The following KIR2DL1 variants were observed in gnomAD, a reference collection of about 807,000 sequenced individuals.
KIR2DL1 encodes the protein killer cell immunoglobulin-like receptor 2DL1.
Under a neutral mutation model 33.9 loss-of-function variants are expected in KIR2DL1, and 38 were observed. The observed-to-expected ratio is 1.12, with a 90% CI of 0.86 to 1.47. The LOEUF (loss-of-function observed/expected upper bound fraction) is 1.47. KIR2DL1 is among the 40% of genes most tolerant of loss of function. KIR2DL1 has a pLI of 0.00. For missense variants in KIR2DL1, 531 were observed against 433.9 expected, an observed-to-expected ratio of 1.22 and a Z score of -1.99; for synonymous variants, 179 against 165.9, an observed-to-expected ratio of 1.08 and a Z score of -0.61.
At chr19:54,770,321 T>G (rs2075533717) in intron 1 of KIR2DL1, among the ~76,000 whole-genome samples, 1 of 134,636 alleles carries the variant, frequency 7.4e-6, no homozygotes, top group Non-Finnish European at 1.6e-5. Flanking sequence ...GGTCGATATC[T>G]GGGCCTGGAG....
rs2077185125 is a variant in KIR2DL1, at chr19:54,782,934, A to G, written c.728A>G (p.His243Arg). 6.2e-7 allele frequency: 1 copy of G among 1,613,686 alleles called. No homozygotes were observed. Among genetic ancestry groups the G allele is most frequent in the Non-Finnish European group, 8.5e-7 (1 of 1,179,852 alleles). The change falls in exon 6 of 8, where the codon CAC becomes CGC. Residue 243 changes from histidine (H) to arginine (R), a missense_variant. Transcript: ENST00000336077. Reference protein sequence around the residue: ...EPSSKTGNPRHLHILIGTSVV... With the variant: ...EPSSKTGNPRRLHILIGTSVV... ...CATCTTCTTCCAGGTAACCCCCGACACCTGCACATTCTGATTGGGACCTCA... is the reference window on the plus strand; with the variant it reads ...CATCTTCTTCCAGGTAACCCCCGACGCCTGCACATTCTGATTGGGACCTCA...
intron 5 of KIR2DL1, among the ~76,000 whole-genome samples, chr19:54,779,042 A>G (rs929952721): frequency 2.0e-5 from 3 of 147,160 alleles, no homozygotes; most frequent in African/African-American, 7.5e-5. Flanking sequence ...TCCACTTGCC[A>G]AGGAATGAGC....
At chr19:54,776,129 A>T (rs1385343427) in intron 4 of KIR2DL1, among the ~76,000 whole-genome samples, 2 of 144,416 alleles carry the variant, frequency 1.4e-5, no homozygotes, top group Non-Finnish European at 3.1e-5. Context: ...TGACCACGTG[A>T]TCCACCCGCA....
chr19:54,770,926 A>G, intron 2 of KIR2DL1, 42 bp downstream of exon 2: 1 of 1,575,836 alleles, frequency 6.3e-7, no homozygotes, highest in Non-Finnish European at 8.7e-7. Context: ...CTCCCCACAT[A>G]AGAGGATTTT....
intron 2 of KIR2DL1, among the ~76,000 whole-genome samples, chr19:54,772,917 C>T (rs1247739666): frequency 1.2e-4 from 17 of 146,708 alleles, no homozygotes; most frequent in Non-Finnish European, 2.4e-4. Flanking sequence ...GGTGTGTGGC[C>T]ACTGGTGCCT....
intron 5 of KIR2DL1, among the ~76,000 whole-genome samples, chr19:54,782,647 T>G: frequency 1.4e-5 from 2 of 146,732 alleles, no homozygotes; most frequent in Middle Eastern, 6.9e-3. Context: ...CAAACACCTC[T>G]CAAGAGGCCC....
At chr19:54,780,676 A>T (rs2076838376) in intron 5 of KIR2DL1, among the ~76,000 whole-genome samples, 1 of 143,010 alleles carries the variant, frequency 7.0e-6, no homozygotes, top group Non-Finnish European at 1.6e-5. Flanking sequence ...TTTAGACACT[A>T]AATGAATGAA....
At chr19:54,778,071 GCC>G (rs2076551040) in intron 4 of KIR2DL1, among the ~76,000 whole-genome samples, 1 of 146,864 alleles carries the variant, frequency 6.8e-6, no homozygotes, top group African/African-American at 2.5e-5. Flanking sequence ...GATTAGTCTG[GCC>G]AACGTGATGA....
intron 5 of KIR2DL1, among the ~76,000 whole-genome samples, chr19:54,782,572 A>T (rs1212676844): frequency 2.0e-5 from 3 of 151,788 alleles, no homozygotes; most frequent in Non-Finnish European, 4.4e-5. Context: ...ATAGAGGGGG[A>T]ACTTGCTAAC....
In KIR2DL1 at chr19:54,769,815, G is replaced by A. The variant is rs1417220855; in HGVS notation, c.-36G>A. Reference sequence around the variant, plus strand: ...AACATCCTGTGCGCTGCTGAGCTGAGCTCGGTCGCGGCTGCCTGTCTGCTC... The same window carrying A: ...AACATCCTGTGCGCTGCTGAGCTGAACTCGGTCGCGGCTGCCTGTCTGCTC... On this transcript the variant is annotated 5_prime_UTR_variant, in exon 1 of 8. Transcript: ENST00000336077. 1.9e-6 allele frequency: 3 copies of A among 1,565,482 alleles called. No homozygotes were observed. The highest frequency in any genetic ancestry group is 2.6e-6 in the Non-Finnish European group (3 of 1,144,342).
chr19:54,772,649 T>G (rs565946353), intron 2 of KIR2DL1, among the ~76,000 whole-genome samples: 1 of 144,996 alleles, frequency 6.9e-6, no homozygotes, highest in Admixed American at 7.1e-5. Flanking sequence ...GAGGTTGCAG[T>G]GAGCCTAGAC....
At chr19:54,780,535 T>A (rs1452195841) in intron 5 of KIR2DL1, among the ~76,000 whole-genome samples, 64 of 143,748 alleles carry the variant, frequency 4.5e-4, no homozygotes, top group African/African-American at 1.5e-3. Flanking sequence ...TGGATTCACC[T>A]CGGGGTAACC....
intron 5 of KIR2DL1, chr19:54,780,037 T>G: frequency 2.2e-6 from 1 of 453,582 alleles, no homozygotes; most frequent in Non-Finnish European, 4.0e-6. Context: ...TAGCTGGGAT[T>G]ACAGGCAACT....
chr19:54,779,329 G>A (rs1474366468), intron 5 of KIR2DL1, among the ~76,000 whole-genome samples: 1 of 148,952 alleles, frequency 6.7e-6, no homozygotes, highest in Non-Finnish European at 1.5e-5. Context: ...TGACAGCAAG[G>A]CTGCCTTCCC....
At chr19:54,779,098 G>C (rs1167951868) in intron 5 of KIR2DL1, among the ~76,000 whole-genome samples, 1 of 147,612 alleles carries the variant, frequency 6.8e-6, no homozygotes, top group Non-Finnish European at 1.5e-5. Flanking sequence ...CAGAGAAAGA[G>C]CCTTGCCGTA....
intron 5 of KIR2DL1, among the ~76,000 whole-genome samples, chr19:54,782,554 G>C (rs2365251): frequency 2.7e-5 from 4 of 147,058 alleles, no homozygotes; most frequent in Non-Finnish European, 6.1e-5. Context: ...CCAGCTCTCC[G>C]GGAACTAATA....
Position 54,784,236 on chromosome 19 carries a change from A to G in KIR2DL1, c.*423A>G. On this transcript the variant is annotated 3_prime_UTR_variant, in exon 8 of 8. Coordinates refer to ENST00000336077, the MANE Select transcript of KIR2DL1 (RefSeq NM_014218.3). The stretch of plus-strand genomic sequence containing the variant: ...TCCACCTCCCCTCAGACTAGCTTTC[A>G]GTCTTCTGTCAGCAGTAAAACTTAT... 1 of 312,530 alleles carries G rather than the reference A, an allele frequency of 3.2e-6. No individual in the cohort carries two copies. 19.4% of individuals were successfully genotyped at this position (312,530 alleles called of 1,614,324 possible).
rs541303088 is a variant in KIR2DL1 at position 54,771,284 on chromosome 19, T to C, written c.70+400T>C. 1.0e-4 allele frequency among the ~76,000 whole-genome samples: 15 copies of C among 148,774 alleles called. No homozygotes were observed. The East Asian group carries it at 2.3e-3, about 23-fold the overall frequency. On this transcript the variant is annotated intron_variant, in intron 2 of 7. Coordinates refer to ENST00000336077, the MANE Select transcript of KIR2DL1 (RefSeq NM_014218.3). ...ATCCTCTGATGGGGACTCAGTTGTT[T>C]ATTTTCGTTCAGGCATCGGCTGATA...
chr19:54,782,991 T>G lies in KIR2DL1; in HGVS notation c.785T>G (p.Phe262Cys). 1 of 1,613,770 alleles carries G rather than the reference T, an allele frequency of 6.2e-7. No homozygotes were observed. The highest frequency in any genetic ancestry group is 8.5e-7 in the Non-Finnish European group (1 of 1,179,880). Reference sequence around the variant, plus strand: ...ATCATCCTCTTCATCCTCCTCTTCTTTCTCCTTCATCGCTGGTGCTCCAAC... The same window carrying G: ...ATCATCCTCTTCATCCTCCTCTTCTGTCTCCTTCATCGCTGGTGCTCCAAC... ...VVIILFILLFFLLHRWCSNKK... is the reference protein window; with the variant it reads ...VVIILFILLFCLLHRWCSNKK... Residue 262 changes from phenylalanine (F) to cysteine (C), a missense_variant, in exon 6 of 8, where the codon TTT (phenylalanine) becomes TGT (cysteine). Phe to Cys is a radical substitution (Grantham distance 205). Transcript: ENST00000336077.
Sources: allele counts gnomAD v4.1 joint callset (sites outside exome capture counted in the v4.1 genomes callset), GRCh38; gene constraint gnomAD v4.1.1; transcripts MANE v1.5; gene names NCBI Gene and HGNC (gene_info 2026-07-23, HGNC 2026-07-21).